Variants in PCDH9 observed in about 807,000 individuals in gnomAD.
PCDH9 encodes protocadherin 9, also known as protocadherin-9.
PCDH9 carries 24 observed loss-of-function variants against 70.6 expected under a neutral mutation model. That is an observed-to-expected ratio of 0.34 (90% CI 0.25 to 0.48). The LOEUF (loss-of-function observed/expected upper bound fraction) is 0.48. Ranked by LOEUF, PCDH9 falls within the 20% of genes least tolerant of loss-of-function variation. The probability of loss-of-function intolerance (pLI) is 0.99; values close to 1 mark genes in which losing one functional copy is unlikely to be tolerated. For synonymous variants in PCDH9, 562 were observed against 558.5 expected, an observed-to-expected ratio of 1.01 and a Z score of -0.09; for missense variants, 1,281 against 1,503.6, an observed-to-expected ratio of 0.85 and a Z score of 2.45.
chr13:66,551,285 G>T (rs911186527), intron 4 of PCDH9, among the ~76,000 whole-genome samples: 1 of 152,028 alleles, frequency 6.6e-6, no homozygotes. Context: ...TTATAGGGAC[G>T]GACTTGAAGC....
chr13:66,689,825 T>C (rs1478117820), intron 3 of PCDH9, among the ~76,000 whole-genome samples: 3 of 152,194 alleles, frequency 2.0e-5, no homozygotes, highest in Non-Finnish European at 4.4e-5. Flanking sequence ...GATGGAGCTG[T>C]TGACAAAACA....
At chr13:66,453,633 AC>A (rs1162438937) in intron 4 of PCDH9, among the ~76,000 whole-genome samples, 1 of 152,126 alleles carries the variant, frequency 6.6e-6, no homozygotes, top group Non-Finnish European at 1.5e-5. Flanking sequence ...CACTGTGGAC[AC>A]CCATGGGGAC....
chr13:66,980,564 A>G (rs919365646), intron 2 of PCDH9, among the ~76,000 whole-genome samples: 3 of 152,088 alleles, frequency 2.0e-5, no homozygotes, highest in Admixed American at 1.3e-4. Context: ...TTGATTTGAT[A>G]TAAAATTGGT....
At chr13:66,510,491 C>T (rs1160358303) in intron 4 of PCDH9, among the ~76,000 whole-genome samples, 2 of 152,074 alleles carry the variant, frequency 1.3e-5, no homozygotes, top group African/African-American at 4.8e-5. Context: ...GGTATATCTC[C>T]TAATGCTATC....
chr13:66,784,027 G>A (rs1017122397), intron 3 of PCDH9, among the ~76,000 whole-genome samples: 1 of 152,048 alleles, frequency 6.6e-6, no homozygotes, highest in African/African-American at 2.4e-5. Context: ...AAACAAGTTA[G>A]ATTATACATC....
chr13:66,978,034 G>A (rs1462616618), intron 2 of PCDH9, among the ~76,000 whole-genome samples: 10 of 152,154 alleles, frequency 6.6e-5, no homozygotes, highest in Non-Finnish European at 1.5e-4. Context: ...CCTTTCGTAA[G>A]TGAAAAGAAA....
intron 4 of PCDH9, among the ~76,000 whole-genome samples, chr13:66,393,217 A>G (rs746002974): frequency 7.9e-5 from 12 of 152,214 alleles, no homozygotes; most frequent in Non-Finnish European, 1.5e-4. Flanking sequence ...CTGCACACTG[A>G]TAATAGAAAA....
chr13:66,708,072 C>T (rs1334178853), intron 3 of PCDH9, among the ~76,000 whole-genome samples: 8 of 151,454 alleles, frequency 5.3e-5, no homozygotes, highest in South Asian at 2.1e-4. Context: ...TTTTTTGAGA[C>T]GGAGTCTCGC....
chr13:66,497,302 G>A (rs189714579), intron 4 of PCDH9, among the ~76,000 whole-genome samples: 1 of 151,696 alleles, frequency 6.6e-6, no homozygotes, highest in Admixed American at 6.6e-5. Flanking sequence ...TCAAACTTCT[G>A]AGCTCAAGCA....
intron 2 of PCDH9, among the ~76,000 whole-genome samples, chr13:66,964,944 T>G (rs1022634764): frequency 5.9e-5 from 9 of 151,882 alleles, no homozygotes; most frequent in Non-Finnish European, 8.8e-5. Context: ...ATATATATAT[T>G]CATTTACTAG....
At chr13:67,099,775 G>T (rs1018334242) in intron 2 of PCDH9, among the ~76,000 whole-genome samples, 6 of 152,148 alleles carry the variant, frequency 3.9e-5, no homozygotes, top group Non-Finnish European at 7.4e-5. Flanking sequence ...AGCGAGTGAG[G>T]AGTCTCTAAG....
At chr13:66,342,502 T>C (rs1158496760) in intron 4 of PCDH9, among the ~76,000 whole-genome samples, 1 of 152,190 alleles carries the variant, frequency 6.6e-6, no homozygotes, top group Non-Finnish European at 1.5e-5. Flanking sequence ...TATTCTCCTT[T>C]TACCAATAAA....
intron 3 of PCDH9, among the ~76,000 whole-genome samples, chr13:66,703,546 G>A (rs2078673896): frequency 1.3e-5 from 2 of 152,260 alleles, no homozygotes; most frequent in East Asian, 3.9e-4. Flanking sequence ...TTGAGGATAT[G>A]TGTTTTCTCA....
chr13:66,663,098 G>A (rs1248806306), intron 3 of PCDH9, among the ~76,000 whole-genome samples: 1 of 152,164 alleles, frequency 6.6e-6, no homozygotes, highest in African/African-American at 2.4e-5. Context: ...TAAATGATGT[G>A]AAGGGAGATA....
chr13:66,309,473 TA>T (rs1304969296), intron 4 of PCDH9, among the ~76,000 whole-genome samples: 7 of 152,146 alleles, frequency 4.6e-5, no homozygotes, highest in African/African-American at 1.2e-4. Context: ...ACTGAGTTTT[TA>T]TGCTTTTAAA....
intron 2 of PCDH9, among the ~76,000 whole-genome samples, chr13:67,196,718 T>G (rs1259318821): frequency 1.3e-5 from 2 of 152,042 alleles, no homozygotes; most frequent in African/African-American, 4.8e-5. Context: ...TTTTTGTCTC[T>G]TTTTCAAATC....
At chr13:66,527,478 T>A (rs1960266977) in intron 4 of PCDH9, among the ~76,000 whole-genome samples, 1 of 152,110 alleles carries the variant, frequency 6.6e-6, no homozygotes, top group Admixed American at 6.6e-5. Flanking sequence ...AAACAGGTAA[T>A]ACCATTAAGG....
chr13:67,081,597 TAAC>T (rs1190561934), intron 2 of PCDH9, among the ~76,000 whole-genome samples: 19 of 152,136 alleles, frequency 1.2e-4, no homozygotes, highest in African/African-American at 4.6e-4. Context: ...AAAAAACAGA[TAAC>T]AAAACATAAT....
At chr13:67,212,849 T>C (rs572374051) in intron 2 of PCDH9, 1 of 152,158 alleles carries the variant, frequency 6.6e-6, no homozygotes, top group South Asian at 2.1e-4. Context: ...AATGTCTTCA[T>C]AGAATAAGTA....
Sources: gnomAD v4.1 joint callset for allele counts (sites outside exome capture counted in the v4.1 genomes callset) on GRCh38, gnomAD v4.1.1 for gene constraint, MANE v1.5 for transcripts, NCBI Gene and HGNC (gene_info 2026-07-23, HGNC 2026-07-21) for gene names.